FBXL7: variants seen among roughly 807,000 people sequenced by gnomAD.
FBXL7 encodes the protein F-box and leucine rich repeat protein 7, also known as F-box/LRR-repeat protein 7.
In FBXL7, 12 loss-of-function variants were observed where a neutral mutation model predicts 38.3. That is an observed-to-expected ratio of 0.31 (90% confidence interval 0.20 to 0.51). The LOEUF is 0.51. FBXL7 is among the 20% of genes least tolerant of loss of function. FBXL7 has a pLI of 0.98. For missense variants in FBXL7, 567 were observed against 676.4 expected (o/e 0.84, Z 1.79); for synonymous variants, 297 against 300.9 (o/e 0.99, Z 0.13).
At chr5:15,595,135 A>C (rs185094836) in intron 1 of FBXL7, among the ~76,000 whole-genome samples, 1 of 152,320 alleles carries the variant, frequency 6.6e-6, no homozygotes, top group Admixed American at 6.5e-5. Context: ...ATAGGAATGC[A>C]GTGCAGTGAG....
intron 1 of FBXL7, chr5:15,501,862 GTGTA>G (rs1736496551): frequency 9.6e-6 from 3 of 312,038 alleles, no homozygotes; most frequent in Non-Finnish European, 1.4e-5. Flanking sequence ...ATATGTGCAT[GTGTA>G]TGTGTGTGTG....
chr5:15,648,721 A>T (rs942660396), intron 2 of FBXL7, among the ~76,000 whole-genome samples: 5 of 152,152 alleles, frequency 3.3e-5, no homozygotes, highest in African/African-American at 9.7e-5. Context: ...GTAATTTTCC[A>T]TGCCTCCCAT....
intron 1 of FBXL7, among the ~76,000 whole-genome samples, chr5:15,553,831 A>G (rs1042701582): frequency 1.3e-5 from 2 of 152,162 alleles, no homozygotes; most frequent in Admixed American, 6.6e-5. Flanking sequence ...ACCTGGAGGG[A>G]GGCTTAGTGG....
At chr5:15,599,697 C>A (rs979608621) in intron 1 of FBXL7, among the ~76,000 whole-genome samples, 2 of 152,158 alleles carry the variant, frequency 1.3e-5, no homozygotes, top group Non-Finnish European at 2.9e-5. Flanking sequence ...AGGGCTCCCC[C>A]AGTTATTAAG....
intron 2 of FBXL7, among the ~76,000 whole-genome samples, chr5:15,768,270 A>G (rs896308340): frequency 9.9e-5 from 15 of 152,108 alleles, no homozygotes; most frequent in African/African-American, 3.6e-4. Flanking sequence ...GGTGACTCAC[A>G]CCTGTAATCC....
At chr5:15,703,722 A>AT (rs1278637061) in intron 2 of FBXL7, among the ~76,000 whole-genome samples, 1 of 152,196 alleles carries the variant, frequency 6.6e-6, no homozygotes, top group African/African-American at 2.4e-5. Flanking sequence ...GTAAGTGCTA[A>AT]TTTTGAAGGG....
chr5:15,557,190 G>A (rs925822568), intron 1 of FBXL7, among the ~76,000 whole-genome samples: 2 of 152,130 alleles, frequency 1.3e-5, no homozygotes, highest in Admixed American at 1.3e-4. Context: ...CCCCAGCCTT[G>A]GCCTCTCAAA....
At chr5:15,735,957 A>G (rs752790014) in intron 2 of FBXL7, among the ~76,000 whole-genome samples, 9 of 152,198 alleles carry the variant, frequency 5.9e-5, no homozygotes, top group African/African-American at 1.4e-4. Flanking sequence ...TTACAGGGTG[A>G]TATTTGTTAA....
In FBXL7 at chr5:15,849,851, G is replaced by A. The variant is rs984640885; in HGVS notation, c.128-78039G>A. Among the ~76,000 whole-genome samples the A allele has an allele frequency of 1.1e-4, 16 of 152,106 alleles. No individual in the cohort carries two copies. In the South Asian group the frequency reaches 1.7e-3, roughly 16 times the overall value. On this transcript the variant is annotated intron_variant, in intron 2 of 3. Coordinates refer to ENST00000504595, the MANE Select transcript of FBXL7 (RefSeq NM_012304.5). ...ATTAAAATCTTTTAGCTTCTGCCTCGTCTGTTTTTAGAGCTTGATAATTAT... is the reference window on the plus strand; with the variant it reads ...ATTAAAATCTTTTAGCTTCTGCCTCATCTGTTTTTAGAGCTTGATAATTAT...
At chr5:15,547,600 T>C (rs754648468) in intron 1 of FBXL7, among the ~76,000 whole-genome samples, 2 of 152,128 alleles carry the variant, frequency 1.3e-5, no homozygotes, top group South Asian at 2.1e-4. Context: ...CTGGGCTGAA[T>C]AGAGTCTCAT....
chr5:15,636,260 C>T (rs1300173332), intron 2 of FBXL7, among the ~76,000 whole-genome samples: 2 of 152,040 alleles, frequency 1.3e-5, no homozygotes, highest in Non-Finnish European at 2.9e-5. Flanking sequence ...TCTGTGTCTC[C>T]CTTGTGTGCC....
intron 2 of FBXL7, among the ~76,000 whole-genome samples, chr5:15,694,654 AT>A (rs1579384408): frequency 7.4e-6 from 1 of 135,216 alleles, no homozygotes; most frequent in Non-Finnish European, 1.7e-5. Flanking sequence ...CTATTCTGTC[AT>A]TTTGACACCT....
chr5:15,735,714 G>T (rs1313589490), intron 2 of FBXL7, among the ~76,000 whole-genome samples: 1 of 152,178 alleles, frequency 6.6e-6, no homozygotes, highest in South Asian at 2.1e-4. Context: ...CCGGAGAGAA[G>T]GGCTTAGAGC....
chr5:15,871,983 C>A (rs2126826424), intron 2 of FBXL7, among the ~76,000 whole-genome samples: 1 of 152,168 alleles, frequency 6.6e-6, no homozygotes, highest in Non-Finnish European at 1.5e-5. Context: ...GACACACAAT[C>A]ATCAGATTCC....
At chr5:15,831,899 G>A (rs372842324) in intron 2 of FBXL7, among the ~76,000 whole-genome samples, 25 of 152,172 alleles carry the variant, frequency 1.6e-4, no homozygotes, top group African/African-American at 5.5e-4. Context: ...CCCTCCCATT[G>A]CCCATGGCCC....
intron 2 of FBXL7, among the ~76,000 whole-genome samples, chr5:15,635,006 G>T (rs902673283): frequency 5.3e-5 from 8 of 150,992 alleles, no homozygotes; most frequent in African/African-American, 2.4e-5. Context: ...ATATTCATAG[G>T]TTCATGAGAT....
At chr5:15,913,462 A>C (rs2126429733) in intron 2 of FBXL7, among the ~76,000 whole-genome samples, 1 of 152,248 alleles carries the variant, frequency 6.6e-6, no homozygotes, top group East Asian at 1.9e-4. Context: ...CATGGTCGTA[A>C]GTTTAGTGGA....
At chr5:15,763,660 G>A (rs775671796) in intron 2 of FBXL7, among the ~76,000 whole-genome samples, 23 of 152,046 alleles carry the variant, frequency 1.5e-4, no homozygotes, top group Non-Finnish European at 1.9e-4. Context: ...TGGTTTTATA[G>A]GTTTCTATTC....
intron 1 of FBXL7, among the ~76,000 whole-genome samples, chr5:15,570,123 T>C (rs1738725533): frequency 6.6e-6 from 1 of 152,220 alleles, no homozygotes; most frequent in South Asian, 2.1e-4. Context: ...TTAGGGAGGA[T>C]TCCCTCTTTT....
Sources: gnomAD v4.1 joint callset for allele counts (sites outside exome capture counted in the v4.1 genomes callset) on GRCh38, gnomAD v4.1.1 for gene constraint, MANE v1.5 for transcripts, NCBI Gene and HGNC (gene_info 2026-07-23, HGNC 2026-07-21) for gene names.